Variants in TSPEAR observed in about 807,000 individuals in gnomAD.
TSPEAR encodes thrombospondin type laminin G domain and EAR repeats, also known as thrombospondin-type laminin G domain and EAR repeat-containing protein.
Under a neutral mutation model 71.6 loss-of-function variants are expected in TSPEAR, and 69 were observed. The observed-to-expected ratio is 0.96, with a 90% CI of 0.79 to 1.18. The LOEUF (loss-of-function observed/expected upper bound fraction) is 1.18, where lower values mean the gene tolerates loss of function less well. Among genes scored for constraint, TSPEAR ranks in the 50% most tolerant of loss-of-function variants. The pLI, the probability that TSPEAR is intolerant of heterozygous loss-of-function variation, is 0.00. For synonymous variants in TSPEAR, 402 were observed against 387.2 expected (o/e 1.04, Z -0.45); for missense variants, 971 against 894.9 (o/e 1.09, Z -1.09).
chr21:44,509,000 C>T (rs782398806), intron 10 of TSPEAR, 199 bp downstream of exon 10: 83 of 1,506,850 alleles, frequency 5.5e-5, no homozygotes, highest in South Asian at 2.1e-4. Context: ...TGTCTCAGGG[C>T]GGCACTGACT....
intron 1 of TSPEAR, chr21:44,677,584 G>T: frequency 2.0e-6 from 2 of 1,016,518 alleles, no homozygotes; most frequent in South Asian, 1.3e-5. Context: ...GCAGGTGTGG[G>T]TTTTCCTTCA....
At chr21:44,615,689 G>C (rs189692569) in intron 1 of TSPEAR, among the ~76,000 whole-genome samples, 87 of 152,134 alleles carry the variant, frequency 5.7e-4, no homozygotes, top group African/African-American at 1.7e-3. Flanking sequence ...TGCCCACAGC[G>C]AGTGCAGCTG....
intron 1 of TSPEAR, among the ~76,000 whole-genome samples, chr21:44,682,862 C>T (rs1249529578): frequency 5.3e-5 from 8 of 152,230 alleles, no homozygotes; most frequent in East Asian, 1.9e-4. Context: ...CCCTGGAGTC[C>T]GAGGAGCAGA....
intron 1 of TSPEAR, among the ~76,000 whole-genome samples, chr21:44,629,276 A>C (rs780164051): frequency 1.6e-4 from 25 of 152,206 alleles, no homozygotes; most frequent in Non-Finnish European, 3.2e-4. Context: ...GGCTGCTGTG[A>C]CAAAGTCCAC....
intron 1 of TSPEAR, chr21:44,647,759 ATT>A: frequency 2.4e-5 from 6 of 246,428 alleles, no homozygotes; most frequent in Non-Finnish European, 4.0e-5. Context: ...AGTGTCTCTC[ATT>A]CCGAGATCAA....
chr21:44,697,034 A>C (rs879963003), intron 1 of TSPEAR: 7 of 900,566 alleles, frequency 7.8e-6, no homozygotes, highest in South Asian at 3.6e-5. Context: ...ACGCTCACTC[A>C]CTCCCTCCCT....
chr21:44,617,691 A>C (rs1051261957), intron 1 of TSPEAR, among the ~76,000 whole-genome samples: 3 of 152,270 alleles, frequency 2.0e-5, no homozygotes, highest in Non-Finnish European at 2.9e-5. Context: ...TTTCTTTGCC[A>C]ATTTAATAAA....
intron 2 of TSPEAR, chr21:44,558,372 C>T: frequency 6.2e-7 from 1 of 1,612,970 alleles, no homozygotes; most frequent in Non-Finnish European, 8.5e-7. Flanking sequence ...GACAGGCTTG[C>T]AGCAGACGGG....
At chr21:44,666,872 G>T in intron 1 of TSPEAR, 1 of 1,613,654 alleles carries the variant, frequency 6.2e-7, no homozygotes, top group South Asian at 1.1e-5. Flanking sequence ...CCGAGGAGCA[G>T]CTGGTATGAC....
intron 1 of TSPEAR, among the ~76,000 whole-genome samples, chr21:44,672,947 C>A (rs118006552): frequency 0.039 from 5,992 of 152,284 alleles, 129 homozygotes; most frequent in Middle Eastern, 0.085. Context: ...CCAACCCACG[C>A]TCCTTGTACA....
At chr21:44,656,341 G>A (rs1396483937) in intron 1 of TSPEAR, among the ~76,000 whole-genome samples, 7 of 152,184 alleles carry the variant, frequency 4.6e-5, no homozygotes, top group South Asian at 2.1e-4. Context: ...ATCCGTGCAC[G>A]TCACCTGCAG....
rs1978834490 is a variant in TSPEAR, at chr21:44,580,190, C to T, written c.83-12185G>A. 3 of 1,614,018 alleles carry T rather than the reference C, an allele frequency of 1.9e-6. No homozygotes were observed. In the South Asian group the frequency reaches 3.3e-5, roughly 18 times the overall value. On this transcript the variant is annotated intron_variant, in intron 1 of 11. Transcript: ENST00000323084. ...GGGCTTGCAGCAGACAGGCACACAG[C>T]AGGACTGCTGGCAGGAGGAAGAGGC... is the stretch of plus-strand genomic sequence containing the variant.
At chr21:44,536,685 G>A (rs1267889805) in intron 2 of TSPEAR, among the ~76,000 whole-genome samples, 1 of 152,152 alleles carries the variant, frequency 6.6e-6, no homozygotes, top group Non-Finnish European at 1.5e-5. Context: ...TCAAAGTAAT[G>A]TTGCCACAGG....
rs1979264278 is a variant in TSPEAR at position 44,585,241 on chromosome 21, C to A, written c.83-17236G>T. On this transcript the variant is annotated intron_variant, in intron 1 of 11. Coordinates refer to ENST00000323084, the MANE Select transcript of TSPEAR (RefSeq NM_144991.3). ...CAGAGTCTAGGTGCAGAATTTCTTC[C>A]CTCCACCTTAGTAGAGGTTGGGCCA... is the stretch of plus-strand genomic sequence containing the variant. Among the ~76,000 whole-genome samples the A allele has an allele frequency of 3.3e-5, 5 of 152,132 alleles. No homozygotes were observed. The South Asian group carries it at 1.0e-3, about 32-fold the overall frequency.
chr21:44,569,263 C>T (rs587645977), intron 1 of TSPEAR, among the ~76,000 whole-genome samples: 5 of 152,224 alleles, frequency 3.3e-5, no homozygotes, highest in South Asian at 2.1e-4. Flanking sequence ...GGGTGTGAAA[C>T]GCAGGGTGTG....
intron 1 of TSPEAR, chr21:44,666,600 GCA>G: frequency 6.2e-7 from 1 of 1,612,672 alleles, no homozygotes; most frequent in Non-Finnish European, 8.5e-7. Context: ...GGAGGGGGCT[GCA>G]CACACAATGG....
chr21:44,687,509 C>T lies in TSPEAR; in HGVS notation c.82+23924G>A, dbSNP rs138406244. On this transcript the variant is annotated intron_variant, in intron 1 of 11. Coordinates refer to ENST00000323084, the MANE Select transcript of TSPEAR (RefSeq NM_144991.3). The surrounding 1 kb of genome is among the most constrained non-coding windows in gnomAD (Gnocchi z 4.4). ...AGGAACGCATCGCAGAAACACCGCG[C>T]GGGGTGGGAGAGGCCGGCACCAGAG... Among the ~76,000 whole-genome samples the T allele has an allele frequency of 5.3e-5, 8 of 152,272 alleles. No individual in the cohort carries two copies. Among genetic ancestry groups the T allele is most frequent in the Admixed American group, 2.6e-4 (4 of 15,294 alleles).
intron 1 of TSPEAR, chr21:44,573,643 G>A (rs1978293642): frequency 1.3e-6 from 2 of 1,516,932 alleles, no homozygotes; most frequent in South Asian, 2.6e-5. Flanking sequence ...CTCCTGTCTG[G>A]ACAACATGCA....
chr21:44,613,946 C>T (rs986917467), intron 1 of TSPEAR, among the ~76,000 whole-genome samples: 15 of 152,180 alleles, frequency 9.9e-5, no homozygotes, highest in East Asian at 7.7e-4. Flanking sequence ...CCGCCCCGAC[C>T]GGGGTCAGGG....
Sources: allele counts gnomAD v4.1 joint callset (sites outside exome capture counted in the v4.1 genomes callset), GRCh38; gene constraint gnomAD v4.1.1; non-coding constraint Gnocchi (gnomAD v3.1); transcripts MANE v1.5; gene names NCBI Gene and HGNC (gene_info 2026-07-23, HGNC 2026-07-21).